The following ANKRD6 variants were observed in gnomAD, a reference collection of about 807,000 sequenced individuals.
ANKRD6 encodes the protein ankyrin repeat domain-containing protein 6.
In ANKRD6, 56 loss-of-function variants were observed where a neutral mutation model predicts 82.3. The observed-to-expected ratio is 0.68, with a 90% CI of 0.55 to 0.85. The LOEUF is 0.85. ANKRD6 is among the 40% of genes least tolerant of loss of function. The probability of loss-of-function intolerance (pLI) is 0.00; values close to 1 mark genes in which losing one functional copy is unlikely to be tolerated. For missense variants in ANKRD6, 852 were observed against 907.6 expected, an observed-to-expected ratio of 0.94 and a Z score of 0.79; for synonymous variants, 347 against 352.1, an observed-to-expected ratio of 0.99 and a Z score of 0.16.
chr6:89,608,443 C>T (rs1015373386), intron 5 of ANKRD6, among the ~76,000 whole-genome samples: 1 of 151,206 alleles, frequency 6.6e-6, no homozygotes, highest in Non-Finnish European at 1.5e-5. Flanking sequence ...TTATGACACA[C>T]AGACATCTGC....
chr6:89,619,589 G>A (rs1802482280), intron 9 of ANKRD6: 1 of 152,120 alleles, frequency 6.6e-6, no homozygotes, highest in Non-Finnish European at 1.5e-5. Context: ...ACTTAAGCAG[G>A]TTTCTCCATG....
At chr6:89,621,524 G>T in intron 9 of ANKRD6, 1 of 197,632 alleles carries the variant, frequency 5.1e-6, no homozygotes, top group South Asian at 9.2e-5. Flanking sequence ...CCAAGATGGA[G>T]AGTGAGACTG....
At chr6:89,466,993 C>A (rs116724223) in intron 1 of ANKRD6, among the ~76,000 whole-genome samples, 1,549 of 152,200 alleles carry the variant, frequency 0.01, 30 homozygotes, top group African/African-American at 0.034. Context: ...AGGTGTGAGC[C>A]ACTGTGCCTG....
At chr6:89,596,327 C>G (rs896023377) in intron 3 of ANKRD6, among the ~76,000 whole-genome samples, 1 of 152,078 alleles carries the variant, frequency 6.6e-6, no homozygotes, top group African/African-American at 2.4e-5. Context: ...TGTGTCCTGT[C>G]TCAGCATAAA....
chr6:89,615,113 A>T (rs958350647), intron 7 of ANKRD6, among the ~76,000 whole-genome samples: 1 of 152,108 alleles, frequency 6.6e-6, no homozygotes, highest in African/African-American at 2.4e-5. Context: ...ATTGACACCT[A>T]TGTGGTACAT....
At chr6:89,543,186 A>G (rs879396645) in intron 1 of ANKRD6, among the ~76,000 whole-genome samples, 3 of 152,166 alleles carry the variant, frequency 2.0e-5, no homozygotes, top group Non-Finnish European at 4.4e-5. Flanking sequence ...AAAATATACT[A>G]CTTTTTATGA....
At chr6:89,532,071 G>T (rs1783220048) in intron 1 of ANKRD6, among the ~76,000 whole-genome samples, 2 of 152,184 alleles carry the variant, frequency 1.3e-5, no homozygotes. Flanking sequence ...TCTTGCTTGG[G>T]AGAGGCTGGT....
At position 89,578,286 on chromosome 6, in the gene ANKRD6, C is replaced by CTTTTTTTTTTTTTTTTTTTTTT. The variant is rs71024383; in HGVS notation, c.120+11195_120+11216dup. On this transcript the variant is annotated intron_variant, in intron 2 of 15. Coordinates refer to ENST00000339746, the MANE Select transcript of ANKRD6 (RefSeq NM_001242809.2). ...ATTAGCTTTTTCCCCCTCCCGCCTC[C>CTTTTTTTTTTTTTTTTTTTTTT]TTTTTTTTTTTTTTTTTTTTTTTTT... 1.2e-4 allele frequency among the ~76,000 whole-genome samples: 14 copies of CTTTTTTTTTTTTTTTTTTTTTT among 119,098 alleles called. 5 individuals are homozygous for CTTTTTTTTTTTTTTTTTTTTTT. Among genetic ancestry groups the CTTTTTTTTTTTTTTTTTTTTTT allele is most frequent in the Non-Finnish European group, 1.2e-4 (7 of 58,470 alleles). 78.1% of individuals were successfully genotyped at this position (119,098 alleles called of 152,430 possible).
intron 1 of ANKRD6, among the ~76,000 whole-genome samples, chr6:89,499,186 T>G (rs1206663893): frequency 1.3e-5 from 2 of 152,190 alleles, no homozygotes; most frequent in African/African-American, 4.8e-5. Context: ...TTTGAAAACA[T>G]GAGGTGACAT....
intron 1 of ANKRD6, among the ~76,000 whole-genome samples, chr6:89,471,939 CAAAA>C (rs749607605): frequency 1.3e-4 from 7 of 52,608 alleles, no homozygotes; most frequent in Non-Finnish European, 1.7e-4. Flanking sequence ...AACTCCATCT[CAAAA>C]AAAAAAAAAA....
chr6:89,453,146 T>A (rs1773059947), intron 1 of ANKRD6, among the ~76,000 whole-genome samples: 1 of 152,218 alleles, frequency 6.6e-6, no homozygotes. Context: ...CAAAAGTAAC[T>A]ACAGGCGGTT....
chr6:89,600,637 G>T (rs9342201), intron 3 of ANKRD6, among the ~76,000 whole-genome samples: 100,141 of 152,058 alleles, frequency 0.66, 35,105 homozygotes, highest in Non-Finnish European at 0.79. Context: ...GTCTTTCTTA[G>T]CAGGTCAGTA....
intron 1 of ANKRD6, among the ~76,000 whole-genome samples, chr6:89,494,252 C>G (rs1298410914): frequency 6.6e-6 from 1 of 152,194 alleles, no homozygotes; most frequent in Non-Finnish European, 1.5e-5. Flanking sequence ...TTGGGTGATT[C>G]ATGCTAAACT....
intron 1 of ANKRD6, among the ~76,000 whole-genome samples, chr6:89,507,729 G>A (rs1460227346): frequency 6.6e-6 from 1 of 152,132 alleles, no homozygotes; most frequent in Non-Finnish European, 1.5e-5. Flanking sequence ...TCAAAATTGG[G>A]AGTTGGGATA....
At chr6:89,541,992 AT>A (rs1228644224) in intron 1 of ANKRD6, among the ~76,000 whole-genome samples, 1 of 151,570 alleles carries the variant, frequency 6.6e-6, no homozygotes, top group African/African-American at 2.4e-5. Context: ...TTTTTTTCTA[AT>A]TAGAATGTAC....
rs943249662 is a variant in ANKRD6 at position 89,533,039 on chromosome 6, A to G, written c.-143-33795A>G. On this transcript the variant is annotated intron_variant, in intron 1 of 15. Transcript: ENST00000339746. ...CAGGCACGTGCTGCCATATTTGGCT[A>G]ATTTTTTTTTAATTTTTAGTAGAGA... is the stretch of plus-strand genomic sequence containing the variant. Among the ~76,000 whole-genome samples the G allele has an allele frequency of 2.6e-5, 4 of 151,816 alleles. No individual in the cohort carries two copies. The East Asian group carries it at 7.8e-4, about 29-fold the overall frequency.
Position 89,632,013 on chromosome 6 carries a change from T to G in ANKRD6, c.*1009T>G, listed in dbSNP as rs1807497726. 1 of 151,246 alleles carries G rather than the reference T, an allele frequency of 6.6e-6. No homozygotes were observed. The highest frequency in any genetic ancestry group is 2.5e-5 in the African/African-American group (1 of 40,500). The allele number at this position is 151,246 out of a possible 1,614,324, so 9.4% of individuals were successfully genotyped here. A position where few individuals can be genotyped will look rare whatever the true frequency, so the allele number is the denominator to read the frequency against. On this transcript the variant is annotated 3_prime_UTR_variant, in exon 16 of 16. Coordinates refer to ENST00000339746, the MANE Select transcript of ANKRD6 (RefSeq NM_001242809.2). ...CAACTTCATGGAGGCCAGAAGACTT[T>G]ACTTTGTTCCATAATGAAATATAAA...
intron 1 of ANKRD6, among the ~76,000 whole-genome samples, chr6:89,437,016 G>T (rs1770722753): frequency 6.6e-6 from 1 of 152,120 alleles, no homozygotes; most frequent in Non-Finnish European, 1.5e-5. Flanking sequence ...TTAACCTGGG[G>T]TTCAGTGGTG....
chr6:89,469,887 A>G (rs1775251083), intron 1 of ANKRD6, among the ~76,000 whole-genome samples: 1 of 152,016 alleles, frequency 6.6e-6, no homozygotes, highest in African/African-American at 2.4e-5. Flanking sequence ...CATCTCTCCT[A>G]TTGTAAAACA....
Sources: gnomAD v4.1 joint callset for allele counts (sites outside exome capture counted in the v4.1 genomes callset) on GRCh38, gnomAD v4.1.1 for gene constraint, MANE v1.5 for transcripts, NCBI Gene and HGNC (gene_info 2026-07-23, HGNC 2026-07-21) for gene names.